PARD3: variants seen among roughly 807,000 people sequenced by gnomAD.
The protein encoded by PARD3 is par-3 family cell polarity regulator.
A neutral mutation model predicts 155.4 loss-of-function variants in PARD3; 75 were observed. The ratio of observed to expected loss-of-function variants is 0.48; its 90% CI spans 0.40 to 0.58. The LOEUF is 0.58. Ranked by LOEUF, PARD3 falls within the 20% of genes least tolerant of loss-of-function variation. PARD3 has a pLI of 0.00. For synonymous variants in PARD3, 576 were observed against 610.5 expected (o/e 0.94, Z 0.83); for missense variants, 1,642 against 1,721.7 (o/e 0.95, Z 0.82).
intron 22 of PARD3, among the ~76,000 whole-genome samples, chr10:34,186,840 C>T (rs886344033): frequency 1.9e-4 from 29 of 152,262 alleles, no homozygotes; most frequent in African/African-American, 6.7e-4. Context: ...CCAACCCTTC[C>T]CAACAGGACT....
intron 2 of PARD3, among the ~76,000 whole-genome samples, chr10:34,638,308 A>C (rs531129722): frequency 9.9e-5 from 15 of 152,282 alleles, no homozygotes; most frequent in Middle Eastern, 3.4e-3. Flanking sequence ...CTAAATTCCT[A>C]AGTACTGAGA....
intron 1 of PARD3, among the ~76,000 whole-genome samples, chr10:34,737,812 A>C (rs1345007914): frequency 1.3e-5 from 2 of 152,234 alleles, no homozygotes; most frequent in African/African-American, 4.8e-5. Flanking sequence ...TTATAGCAAC[A>C]CGAATGAACT....
intron 22 of PARD3, among the ~76,000 whole-genome samples, chr10:34,247,014 G>C (rs895283667): frequency 4.6e-5 from 7 of 151,958 alleles, no homozygotes; most frequent in African/African-American, 1.7e-4. Context: ...TGGAGCCCAA[G>C]AGTGTGAGGC....
At chr10:34,457,760 T>C (rs1476466530) in intron 4 of PARD3, among the ~76,000 whole-genome samples, 2 of 151,946 alleles carry the variant, frequency 1.3e-5, no homozygotes, top group East Asian at 3.9e-4. Flanking sequence ...GCCAACACAC[T>C]CAGCTAATTT....
chr10:34,574,198 G>T (rs1298538549), intron 2 of PARD3, among the ~76,000 whole-genome samples: 1 of 151,934 alleles, frequency 6.6e-6, no homozygotes, highest in Non-Finnish European at 1.5e-5. Context: ...ACAAAATATT[G>T]ATTATAAAAA....
chr10:34,741,143 A>C (rs1203100055), intron 1 of PARD3, among the ~76,000 whole-genome samples: 1 of 151,220 alleles, frequency 6.6e-6, no homozygotes, highest in Non-Finnish European at 1.5e-5. Context: ...TTGCCTATGG[A>C]AAAGTCAACT....
In PARD3 at chr10:34,445,656, T is replaced by C. The variant is rs74134135; in HGVS notation, c.714+4661A>G. On this transcript the variant is annotated intron_variant, in intron 5 of 24. Coordinates refer to ENST00000374788, the MANE Select transcript of PARD3 (RefSeq NM_001184785.2). ...TTTTATAACAAAATTACAAAGAATA[T>C]ACTACTTCCTTAAAAACAGGTCTAC... Among the ~76,000 whole-genome samples the C allele has an allele frequency of 7.3e-3, 1,114 of 152,226 alleles. 12 individuals carry two copies. The highest frequency in any genetic ancestry group is 0.026 in the African/African-American group (1,063 of 41,534).
chr10:34,549,775 C>A (rs997540592), intron 2 of PARD3, among the ~76,000 whole-genome samples: 1 of 152,014 alleles, frequency 6.6e-6, no homozygotes, highest in Non-Finnish European at 1.5e-5. Flanking sequence ...TGTAAAGTCA[C>A]CATGTCTGTC....
intron 1 of PARD3, among the ~76,000 whole-genome samples, chr10:34,719,653 G>A (rs977964848): frequency 6.6e-6 from 1 of 152,180 alleles, no homozygotes; most frequent in Non-Finnish European, 1.5e-5. Flanking sequence ...GATTATTTCA[G>A]TATAACCCTC....
rs567949091 is a variant in PARD3 at position 34,352,992 on chromosome 10, C to T, written c.2068-4877G>A. ...GGATGTGAGGAGTGTCTCTGCCGGA[C>T]CGCCACCCCGTCTGGGAGGTGAGGA... On this transcript the variant is annotated intron_variant, in intron 14 of 24. Transcript: ENST00000374788. 1.3e-3 allele frequency among the ~76,000 whole-genome samples: 170 copies of T among 129,080 alleles called. 1 individual carries two copies. Among genetic ancestry groups the T allele is most frequent in the Non-Finnish European group, 2.7e-3 (138 of 51,968 alleles). The allele number at this position is 129,080 out of a possible 152,430, so 84.7% of individuals were successfully genotyped here. A position where few individuals can be genotyped will look rare whatever the true frequency, so the allele number is the denominator to read the frequency against.
At chr10:34,176,181 G>A (rs1589025232) in intron 22 of PARD3, among the ~76,000 whole-genome samples, 1 of 152,206 alleles carries the variant, frequency 6.6e-6, no homozygotes, top group East Asian at 1.9e-4. Context: ...CTATGCGTTT[G>A]GGCTCCCTTC....
chr10:34,339,090 T>C (rs766935464), intron 16 of PARD3, among the ~76,000 whole-genome samples: 49 of 152,196 alleles, frequency 3.2e-4, no homozygotes, highest in Admixed American at 8.5e-4. Flanking sequence ...AAAACCCATA[T>C]GATAAGAAAT....
chr10:34,422,645 AAAG>A (rs1388320604), intron 5 of PARD3, among the ~76,000 whole-genome samples: 5 of 152,232 alleles, frequency 3.3e-5, no homozygotes, highest in African/African-American at 1.2e-4. Context: ...ACATTTCTCA[AAAG>A]AAGACATACA....
At chr10:34,584,271 G>A (rs1049706665) in intron 2 of PARD3, among the ~76,000 whole-genome samples, 14 of 152,134 alleles carry the variant, frequency 9.2e-5, no homozygotes, top group Non-Finnish European at 1.5e-4. Context: ...AATGAGGAAT[G>A]AATCACTGAT....
chr10:34,375,640 T>C (rs1001744379), intron 10 of PARD3, among the ~76,000 whole-genome samples: 6 of 152,172 alleles, frequency 3.9e-5, no homozygotes, highest in African/African-American at 1.2e-4. Context: ...AGGGAATCTT[T>C]TATCTAACAG....
At chr10:34,145,851 A>C (rs956741632) in intron 22 of PARD3, among the ~76,000 whole-genome samples, 1 of 152,192 alleles carries the variant, frequency 6.6e-6, no homozygotes, top group African/African-American at 2.4e-5. Flanking sequence ...TTAAGAGTGA[A>C]GCACTAAAAA....
intron 22 of PARD3, among the ~76,000 whole-genome samples, chr10:34,212,677 G>C (rs572928568): frequency 4.6e-4 from 70 of 152,050 alleles, no homozygotes; most frequent in Non-Finnish European, 9.1e-4. Flanking sequence ...GGGTTCTGAG[G>C]GGGGCAAAGG....
chr10:34,121,247 C>G (rs1023324844), intron 23 of PARD3, among the ~76,000 whole-genome samples: 3 of 152,180 alleles, frequency 2.0e-5, no homozygotes, highest in Admixed American at 6.6e-5. Context: ...CCTTCTAGAT[C>G]TGGCCTTTTG....
intron 24 of PARD3, among the ~76,000 whole-genome samples, chr10:34,114,333 TTTTAA>T (rs1197035116): frequency 6.6e-6 from 1 of 152,100 alleles, no homozygotes; most frequent in Non-Finnish European, 1.5e-5. Flanking sequence ...AGAAAATTGT[TTTTAA>T]TTTAATTTAA....
Sources: allele counts gnomAD v4.1 joint callset (sites outside exome capture counted in the v4.1 genomes callset), GRCh38; gene constraint gnomAD v4.1.1; transcripts MANE v1.5; gene names NCBI Gene and HGNC (gene_info 2026-07-23, HGNC 2026-07-21).